The following INTS13 variants were observed in gnomAD, a reference collection of about 807,000 sequenced individuals.
The protein encoded by INTS13 is integrator complex subunit 13, also known as asunder, spermatogenesis regulator homolog (Drosphila).
A neutral mutation model predicts 90.2 loss-of-function variants in INTS13; 35 were observed. The ratio of observed to expected loss-of-function variants is 0.39; its 90% CI spans 0.30 to 0.51. INTS13 has a LOEUF of 0.51. Ranked by LOEUF, INTS13 falls within the 20% of genes least tolerant of loss-of-function variation. The pLI is 0.80. For synonymous variants in INTS13, 309 were observed against 277.1 expected (o/e 1.11, Z -1.14); for missense variants, 601 against 851.2 (o/e 0.71, Z 3.66).
intron 2 of INTS13, among the ~76,000 whole-genome samples, chr12:26,935,084 C>G (rs1938391362): frequency 1.3e-5 from 2 of 152,086 alleles, no homozygotes; most frequent in South Asian, 4.1e-4. Context: ...ATAACAAATG[C>G]AAAGGCATCT....
At chr12:26,935,184 G>A (rs1938397484) in intron 2 of INTS13, among the ~76,000 whole-genome samples, 1 of 152,270 alleles carries the variant, frequency 6.6e-6, no homozygotes, top group South Asian at 2.1e-4. Context: ...GATCATATAG[G>A]GCACCGAAAG....
chr12:26,917,990 C>T lies in INTS13; in HGVS notation c.890-257G>A, dbSNP rs376923484. ...TACAGAAATGTGCCAGGCGCAGTGG[C>T]AGGTGCCTGTAATCCCAGCTATTCG... On this transcript the variant is annotated intron_variant, in intron 8 of 16. Transcript: ENST00000261191. 4.3e-4 allele frequency among the ~76,000 whole-genome samples: 65 copies of T among 152,122 alleles called. No individual in the cohort carries two copies. The East Asian group carries it at 0.011, about 26-fold the overall frequency.
At chr12:26,920,655 A>T (rs369015966) in intron 8 of INTS13, among the ~76,000 whole-genome samples, 6 of 152,238 alleles carry the variant, frequency 3.9e-5, no homozygotes, top group African/African-American at 9.6e-5. Flanking sequence ...AGCCTCCCAA[A>T]GTGCTGGGAT....
chr12:26,914,094 G>A lies in INTS13; in HGVS notation c.1454C>T (p.Ser485Phe), dbSNP rs35168890. The change falls in exon 13 of 17, where the codon TCT (serine) becomes TTT (phenylalanine). Residue 485 changes from serine (S) to phenylalanine (F), a missense_variant. Transcript: ENST00000261191. ...VPLASVIVKE[S>F]LTEEDVLNCQ... The stretch of plus-strand genomic sequence containing the variant: ...GTTTAACACATCTTCTTCTGTCAGA[G>A]ATTCTTTCACAATAACACTGGCTAA... 8.0e-4 allele frequency: 1,279 copies of A among 1,606,324 alleles called. No homozygotes were observed. The highest frequency in any genetic ancestry group is 7.6e-4 in the Non-Finnish European group (891 of 1,177,796).
At chr12:26,936,903 A>G (rs948696336) in intron 1 of INTS13, 89 bp from the exon 2 acceptor site, 8 of 850,538 alleles carry the variant, frequency 9.4e-6, no homozygotes, top group South Asian at 1.7e-5. Context: ...CTTTCCCTCA[A>G]GAAGACTTGG....
At chr12:26,922,856 G>C (rs1470873754) in intron 7 of INTS13, among the ~76,000 whole-genome samples, 156 bp from the exon 8 acceptor site, 1 of 152,036 alleles carries the variant, frequency 6.6e-6, no homozygotes, top group Non-Finnish European at 1.5e-5. Flanking sequence ...AGATGCAAGT[G>C]TTCCATGCAA....
chr12:26,907,820 A>G (rs1951654029), intron 15 of INTS13, among the ~76,000 whole-genome samples: 1 of 152,212 alleles, frequency 6.6e-6, no homozygotes, highest in African/African-American at 2.4e-5. Context: ...AAGCAAAGGA[A>G]AAGAGTTTTA....
chr12:26,923,425 G>T (rs1937691620), intron 7 of INTS13, among the ~76,000 whole-genome samples: 1 of 152,140 alleles, frequency 6.6e-6, no homozygotes, highest in Non-Finnish European at 1.5e-5. Flanking sequence ...ACAATGAAAA[G>T]ATTATAATTC....
At chr12:26,932,503 G>C (rs985792445) in intron 3 of INTS13, among the ~76,000 whole-genome samples, 2 of 152,162 alleles carry the variant, frequency 1.3e-5, no homozygotes, top group Non-Finnish European at 1.5e-5. Flanking sequence ...TTCTTTGGAA[G>C]AACTGAAACT....
chr12:26,925,633 T>G, intron 6 of INTS13, 128 bp downstream of exon 6: 1 of 764,294 alleles, frequency 1.3e-6, no homozygotes, highest in South Asian at 2.1e-5. Context: ...ACATAGAGGT[T>G]TACTTTGAAA....
chr12:26,929,714 A>C (rs573520299), intron 3 of INTS13, among the ~76,000 whole-genome samples: 3 of 151,838 alleles, frequency 2.0e-5, no homozygotes, highest in African/African-American at 7.2e-5. Flanking sequence ...CAAGAAAGAC[A>C]GAAAGACAGA....
intron 6 of INTS13, among the ~76,000 whole-genome samples, chr12:26,925,060 C>T (rs1027881809): frequency 2.6e-5 from 4 of 152,038 alleles, no homozygotes; most frequent in African/African-American, 9.7e-5. Flanking sequence ...AACATTGCCA[C>T]ATTATCAAAA....
At chr12:26,913,814 GGCTAC>G in intron 13 of INTS13, 127 bp from the exon 14 acceptor site, 1 of 1,121,508 alleles carries the variant, frequency 8.9e-7, no homozygotes, top group South Asian at 1.5e-5. Flanking sequence ...TGAAATTCTA[GGCTAC>G]AATATATCCA....
chr12:26,924,275 G>C (rs1427946785), intron 7 of INTS13, 80 bp downstream of exon 7: 10 of 1,487,712 alleles, frequency 6.7e-6, no homozygotes, highest in Middle Eastern at 2.0e-4. Context: ...TTACAGGCAT[G>C]AGCTACCACG....
chr12:26,929,920 G>A (rs934922727), intron 3 of INTS13, among the ~76,000 whole-genome samples: 21 of 152,032 alleles, frequency 1.4e-4, no homozygotes, highest in Non-Finnish European at 2.2e-4. Context: ...CTGAATTTAC[G>A]AAATCCCAAG....
chr12:26,922,535 C>G, intron 8 of INTS13, 81 bp downstream of exon 8: 1 of 1,051,994 alleles, frequency 9.5e-7, no homozygotes, highest in Non-Finnish European at 1.4e-6. Context: ...CTTGGAATGT[C>G]TTCCCTGAGG....
chr12:26,917,762 A>AT, intron 8 of INTS13, 29 bp from the exon 9 acceptor site: 3 of 1,352,902 alleles, frequency 2.2e-6, no homozygotes, highest in Non-Finnish European at 3.1e-6. Flanking sequence ...GACATTACAC[A>AT]TTGTATACAT....
At chr12:26,913,933 G>A in intron 13 of INTS13, 41 bp downstream of exon 13, 1 of 1,544,594 alleles carries the variant, frequency 6.5e-7, no homozygotes, top group Non-Finnish European at 8.8e-7. Flanking sequence ...TATGTATCAA[G>A]TAAATGTGAT....
At chr12:26,933,226 T>A (rs1938293908) in intron 3 of INTS13, among the ~76,000 whole-genome samples, 1 of 152,080 alleles carries the variant, frequency 6.6e-6, no homozygotes, top group African/African-American at 2.4e-5. Flanking sequence ...AGTAAGGAAT[T>A]TAATGCAGGA....
Sources: allele counts gnomAD v4.1 joint callset (sites outside exome capture counted in the v4.1 genomes callset), GRCh38; gene constraint gnomAD v4.1.1; transcripts MANE v1.5; gene names NCBI Gene and HGNC (gene_info 2026-07-23, HGNC 2026-07-21).